The following C22orf23 variants were observed in gnomAD, a reference collection of about 807,000 sequenced individuals.
C22orf23 encodes the protein UPF0193 protein EVG1.
Under a neutral mutation model 29.7 loss-of-function variants are expected in C22orf23, and 30 were observed. That is an observed-to-expected ratio of 1.01 (90% confidence interval 0.76 to 1.37). C22orf23 has a LOEUF of 1.37. Among genes scored for constraint, C22orf23 ranks in the 40% most tolerant of loss-of-function variants. The pLI is 0.00. For missense variants in C22orf23, 237 were observed against 273.1 expected, an observed-to-expected ratio of 0.87 and a Z score of 0.93; for synonymous variants, 90 against 96.1, an observed-to-expected ratio of 0.94 and a Z score of 0.37.
upstream of C22orf23, chr22:37,953,616 A>C: frequency 1.4e-6 from 1 of 724,676 alleles, no homozygotes; most frequent in Non-Finnish European, 2.2e-6. Context: ...ACGCGCACAC[A>C]CCAGTCAGCG....
chr22:37,953,105 C>G lies in C22orf23; in HGVS notation c.45G>C (p.Gly15=), dbSNP rs1199541391. The part of the protein sequence containing the change: ...KQMEVVTKGT[G]FRRRPKTITY... ...TGATGGTCTTGGGGCGGCGCCGGAA[C>G]CCAGTTCCTTTGGTCACTACCTCCA... Residue 15 remains glycine (G), a synonymous_variant, in exon 2 of 7, where the codon GGG becomes GGC. Transcript: ENST00000403305. The G allele has an allele frequency of 6.2e-6, 10 of 1,613,800 alleles. No homozygotes were observed. Among genetic ancestry groups the G allele is most frequent in the Non-Finnish European group, 8.5e-6 (10 of 1,179,922 alleles).
chr22:37,952,803 C>A, intron 2 of C22orf23: 2 of 411,318 alleles, frequency 4.9e-6, no homozygotes, highest in East Asian at 9.5e-5. Context: ...CGAGCCTCAC[C>A]GCCTCCTTTC....
At position 37,953,449 on chromosome 22, in the gene C22orf23, C is replaced by G. The variant is rs1931199078; in HGVS notation, c.-11G>C. The G allele has an allele frequency of 3.7e-6, 2 of 544,898 alleles. No individual in the cohort carries two copies. Among genetic ancestry groups the G allele is most frequent in the South Asian group, 4.8e-5 (2 of 41,714 alleles). The allele number at this position is 544,898 out of a possible 1,614,324, so 33.8% of individuals were successfully genotyped here. On this transcript the variant is annotated splice_region_variant and 5_prime_UTR_variant, in exon 1 of 7. Transcript: ENST00000403305. The stretch of plus-strand genomic sequence containing the variant: ...GATATGCCAAAATTGAAATTTCACC[C>G]TAAGACCCTCTCTGGGTGCTCCCCT...
chr22:37,947,864 T>C (rs1223199821), intron 3 of C22orf23, among the ~76,000 whole-genome samples: 1 of 151,004 alleles, frequency 6.6e-6, no homozygotes, highest in African/African-American at 2.4e-5. Context: ...CCCAGCACTT[T>C]GGGAGGCCGA....
At chr22:37,952,993 C>G in intron 2 of C22orf23, 54 bp downstream of exon 2, 1 of 1,370,440 alleles carries the variant, frequency 7.3e-7, no homozygotes, top group Non-Finnish European at 1.0e-6. Flanking sequence ...TTGTCTTCCA[C>G]GAAACCGGTC....
At chr22:37,944,830 G>T (rs1443305462) in intron 5 of C22orf23, 3 of 596,834 alleles carry the variant, frequency 5.0e-6, no homozygotes, top group Non-Finnish European at 8.5e-6. Context: ...AACCTGGGAA[G>T]TGGAGGCTGC....
chr22:37,952,531 T>TCC (rs898665946), intron 2 of C22orf23: 1 of 67,986 alleles, frequency 1.5e-5, no homozygotes, highest in African/African-American at 5.4e-5. Context: ...AACCTTCCCC[T>TCC]CCCCCCCGCC....
intron 3 of C22orf23, 92 bp from the exon 4 acceptor site, chr22:37,947,555 G>C (rs867045550): frequency 8.7e-7 from 1 of 1,143,270 alleles, no homozygotes; most frequent in Non-Finnish European, 1.2e-6. Context: ...CTGTCACTCA[G>C]GCTGGAGTGC....
rs974399376 is a variant in C22orf23, at chr22:37,947,198, C to T, written c.349+83G>A. 2.8e-6 allele frequency: 4 copies of T among 1,445,706 alleles called. 1 individual carries two copies. The highest frequency in any genetic ancestry group is 2.8e-5 in the African/African-American group (2 of 70,982). 89.6% of individuals were successfully genotyped at this position (1,445,706 alleles called of 1,614,324 possible). On this transcript the variant is annotated intron_variant, in intron 4 of 6. Coordinates refer to ENST00000403305, the MANE Select transcript of C22orf23 (RefSeq NM_032561.5). Reference sequence around the variant, plus strand: ...GGGATTTGATTAGCTACCTTCCCACCTGCCCTGTGGGCTGCTTGCGTCCCT... The same window carrying T: ...GGGATTTGATTAGCTACCTTCCCACTTGCCCTGTGGGCTGCTTGCGTCCCT...
chr22:37,950,702 C>T lies in C22orf23; in HGVS notation c.166+758G>A, dbSNP rs184975249. Among the ~76,000 whole-genome samples, 570 of 151,798 alleles carry T rather than the reference C, an allele frequency of 3.8e-3. 5 individuals are homozygous for T. The highest frequency in any genetic ancestry group is 0.01 in the South Asian group (50 of 4,796). On this transcript the variant is annotated intron_variant, in intron 3 of 6. Transcript: ENST00000403305. ...CGGGCAGATCACGAGGTCAGGAGTTCGAGACCAGCCTGGCCAACATGGTGA... is the reference window on the plus strand; with the variant it reads ...CGGGCAGATCACGAGGTCAGGAGTTTGAGACCAGCCTGGCCAACATGGTGA...
At chr22:37,944,374 G>A (rs368980064) in intron 6 of C22orf23, 43 bp downstream of exon 6, 41 of 1,613,716 alleles carry the variant, frequency 2.5e-5, no homozygotes, top group African/African-American at 6.7e-5. Context: ...CGCACTTGGC[G>A]CTGGGCCCTT....
chr22:37,948,440 A>ACT (rs1173349411), intron 3 of C22orf23, among the ~76,000 whole-genome samples: 2 of 150,904 alleles, frequency 1.3e-5, no homozygotes, highest in African/African-American at 2.5e-5. Context: ...ACTGAGCAAG[A>ACT]CTGTCTCAAA....
At position 37,950,681 on chromosome 22, in the gene C22orf23, C is replaced by A. The variant is rs967093250; in HGVS notation, c.166+779G>T. On this transcript the variant is annotated intron_variant, in intron 3 of 6. Transcript: ENST00000403305. The stretch of plus-strand genomic sequence containing the variant: ...CAGCACTTTGGGAGGCCGAGGCGGG[C>A]AGATCACGAGGTCAGGAGTTCGAGA... Among the ~76,000 whole-genome samples, 10 of 151,974 alleles carry A rather than the reference C, an allele frequency of 6.6e-5. No individual in the cohort carries two copies. In the South Asian group the frequency reaches 2.1e-3, roughly 32 times the overall value.
chr22:37,947,239 C>A, intron 4 of C22orf23, 42 bp downstream of exon 4: 3 of 1,609,470 alleles, frequency 1.9e-6, no homozygotes, highest in South Asian at 1.1e-5. Context: ...TTGTCCTCCC[C>A]CAGGGAGATG....
chr22:37,949,149 C>T (rs1352446367), intron 3 of C22orf23, among the ~76,000 whole-genome samples: 1 of 152,158 alleles, frequency 6.6e-6, no homozygotes, highest in African/African-American at 2.4e-5. Flanking sequence ...GTACCTATCC[C>T]TCCTGCTGTC....
At chr22:37,946,349 C>A (rs1408349760) in intron 4 of C22orf23, among the ~76,000 whole-genome samples, 4 of 151,968 alleles carry the variant, frequency 2.6e-5, no homozygotes, top group African/African-American at 9.7e-5. Context: ...TTGCCTGAAC[C>A]CAGGAGGTGG....
At position 37,953,480 on chromosome 22, in the gene C22orf23, C is replaced by G. The variant is rs955232320; in HGVS notation, c.-42G>C. ...CCCTCTCTGGGTGCTCCCCTCTCCA[C>G]ATAGAAGTGGGCTCCCGGAGGCGGT... On this transcript the variant is annotated 5_prime_UTR_variant, in exon 1 of 7. It removes an upstream start codon present in the reference 5' UTR. Coordinates refer to ENST00000403305, the MANE Select transcript of C22orf23 (RefSeq NM_032561.5). 4.6e-5 allele frequency: 25 copies of G among 548,002 alleles called. No individual in the cohort carries two copies. In the South Asian group the frequency reaches 6.0e-4, roughly 13 times the overall value. 33.9% of individuals were successfully genotyped at this position (548,002 alleles called of 1,614,324 possible).
At chr22:37,951,161 G>A (rs1366520332) in intron 3 of C22orf23, 8 of 220,228 alleles carry the variant, frequency 3.6e-5, no homozygotes, top group African/African-American at 1.6e-4. Flanking sequence ...GCAGTGAGCC[G>A]AGATTGCGCC....
chr22:37,947,440 A>C lies in C22orf23; in HGVS notation c.190T>G (p.Cys64Gly). Residue 64 changes from cysteine to glycine, a missense_variant, in exon 4 of 7, where the codon TGC becomes GGC. Physicochemically the swap from Cys to Gly is radical, Grantham distance 159 (BLOSUM62 -3). Coordinates refer to ENST00000403305, the MANE Select transcript of C22orf23 (RefSeq NM_032561.5). Reference sequence around the variant, plus strand: ...ACTCTCTGGCTGGATGTTGGGCTGCACTGTAGGGGCAAAGCATCTCCTCCT... The same window carrying C: ...ACTCTCTGGCTGGATGTTGGGCTGCCCTGTAGGGGCAAAGCATCTCCTCCT... ...MKRGDALPLQ[C>G]SPTSSQRVLP... The C allele has an allele frequency of 3.1e-6, 5 of 1,590,840 alleles. No individual in the cohort carries two copies. The highest frequency in any genetic ancestry group is 4.3e-6 in the Non-Finnish European group (5 of 1,168,074).
Sources: gnomAD v4.1 joint callset for allele counts (sites outside exome capture counted in the v4.1 genomes callset) on GRCh38, gnomAD v4.1.1 for gene constraint, MANE v1.5 for transcripts, NCBI Gene and HGNC (gene_info 2026-07-23, HGNC 2026-07-21) for gene names.